Variants in PTPRD observed in about 807,000 individuals in gnomAD.
PTPRD encodes receptor-type tyrosine-protein phosphatase delta.
In PTPRD, 34 loss-of-function variants were observed where a neutral mutation model predicts 214.5. The ratio of observed to expected loss-of-function variants is 0.16; its 90% CI spans 0.12 to 0.21. PTPRD has a LOEUF of 0.21. Ranked by LOEUF, PTPRD falls within the 10% of genes least tolerant of loss-of-function variation. The pLI, the probability that PTPRD is intolerant of heterozygous loss-of-function variation, is 1.00. For synonymous variants in PTPRD, 1,128 were observed against 845.7 expected, an observed-to-expected ratio of 1.33 and a Z score of -5.79; for missense variants, 2,545 against 2,398.7, an observed-to-expected ratio of 1.06 and a Z score of -1.27.
rs74878115 is a variant in PTPRD at position 9,831,467 on chromosome 9, A to G, written c.-367-64616T>C. On this transcript the variant is annotated intron_variant, in intron 5 of 45. Transcript: ENST00000381196. ...CTGAAATTGAAATGGGAATACCCCAATCATCTAAAGTTTCTGCTCTCCCTT... is the reference window on the plus strand; with the variant it reads ...CTGAAATTGAAATGGGAATACCCCAGTCATCTAAAGTTTCTGCTCTCCCTT... Among the ~76,000 whole-genome samples, 440 of 152,074 alleles carry G rather than the reference A, an allele frequency of 2.9e-3. 1 individual carries two copies. The highest frequency in any genetic ancestry group is 9.9e-3 in the African/African-American group (410 of 41,536).
chr9:10,371,835 A>G (rs1201650433), intron 2 of PTPRD, among the ~76,000 whole-genome samples: 2 of 152,122 alleles, frequency 1.3e-5, no homozygotes, highest in Non-Finnish European at 2.9e-5. Flanking sequence ...TATGTCTCAG[A>G]ATTACATACC....
intron 4 of PTPRD, among the ~76,000 whole-genome samples, chr9:9,986,551 T>A (rs113289833): frequency 6.6e-5 from 10 of 152,256 alleles, no homozygotes; most frequent in African/African-American, 2.2e-4. Flanking sequence ...TTAACAATAG[T>A]TATCTCCCAC....
intron 2 of PTPRD, among the ~76,000 whole-genome samples, chr9:10,534,637 G>A (rs925829289): frequency 3.0e-4 from 45 of 151,986 alleles, no homozygotes; most frequent in Non-Finnish European, 2.8e-4. Context: ...TGTTTAATTC[G>A]TCCTTACTAG....
intron 3 of PTPRD, among the ~76,000 whole-genome samples, chr9:10,055,352 TCCA>T (rs1472216181): frequency 6.6e-6 from 1 of 152,156 alleles, no homozygotes; most frequent in Non-Finnish European, 1.5e-5. Flanking sequence ...ATAGTTACTA[TCCA>T]TTGAATACTT....
intron 9 of PTPRD, among the ~76,000 whole-genome samples, chr9:9,343,891 A>T (rs1468120659): frequency 5.9e-5 from 9 of 152,152 alleles, no homozygotes; most frequent in African/African-American, 2.2e-4. Flanking sequence ...GTCCAATACC[A>T]ATGAGAAGAA....
chr9:8,880,121 T>G (rs1566797831), intron 11 of PTPRD, among the ~76,000 whole-genome samples: 1 of 152,116 alleles, frequency 6.6e-6, no homozygotes, highest in Non-Finnish European at 1.5e-5. Context: ...GAAAAGTAGC[T>G]AAACCATAAG....
chr9:10,419,688 G>C (rs937368309), intron 2 of PTPRD, among the ~76,000 whole-genome samples: 2 of 151,600 alleles, frequency 1.3e-5, no homozygotes, highest in Non-Finnish European at 2.9e-5. Context: ...ATCTTATGAA[G>C]TGCCAATGAA....
chr9:9,472,820 T>G (rs1373175856), intron 8 of PTPRD, among the ~76,000 whole-genome samples: 1 of 152,156 alleles, frequency 6.6e-6, no homozygotes, highest in African/African-American at 2.4e-5. Context: ...TCTTATCCAT[T>G]TTCTTACTTT....
chr9:10,239,034 G>A (rs1329363830), intron 3 of PTPRD, among the ~76,000 whole-genome samples: 2 of 151,830 alleles, frequency 1.3e-5, no homozygotes, highest in African/African-American at 4.8e-5. Flanking sequence ...GCAACAAGGG[G>A]AAAAAGAATC....
intron 21 of PTPRD, among the ~76,000 whole-genome samples, chr9:8,513,563 C>G (rs1046783033): frequency 6.6e-6 from 1 of 152,052 alleles, no homozygotes; most frequent in Non-Finnish European, 1.5e-5. Context: ...AAATGTACTT[C>G]AATTCCTACA....
intron 10 of PTPRD, among the ~76,000 whole-genome samples, chr9:9,181,114 A>G (rs2099927949): frequency 6.6e-6 from 1 of 152,026 alleles, no homozygotes; most frequent in South Asian, 2.1e-4. Flanking sequence ...CTCCTTGGCC[A>G]TCAGTTTCTT....
intron 11 of PTPRD, among the ~76,000 whole-genome samples, chr9:8,778,804 T>A (rs1220107016): frequency 6.6e-6 from 1 of 152,094 alleles, no homozygotes; most frequent in Non-Finnish European, 1.5e-5. Flanking sequence ...TTTTATCACA[T>A]AAAAATGGAA....
chr9:9,387,519 C>G (rs1374873042), intron 9 of PTPRD, among the ~76,000 whole-genome samples: 1 of 152,190 alleles, frequency 6.6e-6, no homozygotes, highest in South Asian at 2.1e-4. Flanking sequence ...GGTGGTTTCA[C>G]TGAATATAGG....
rs919533420 is a variant in PTPRD at position 8,324,858 on chromosome 9, T to C, written c.5535-4892A>G. Reference sequence around the variant, plus strand: ...GCATTTCTCTAATGACCAGTGATAGTGAGCATTTTTTCATATGTTTGTCTG... The same window carrying C: ...GCATTTCTCTAATGACCAGTGATAGCGAGCATTTTTTCATATGTTTGTCTG... On this transcript the variant is annotated intron_variant, in intron 44 of 45. Coordinates refer to ENST00000381196, the MANE Select transcript of PTPRD (RefSeq NM_002839.4). Among the ~76,000 whole-genome samples, 8 of 152,286 alleles carry C rather than the reference T, an allele frequency of 5.3e-5. No individual in the cohort carries two copies. The East Asian group carries it at 1.5e-3, about 29-fold the overall frequency.
intron 2 of PTPRD, among the ~76,000 whole-genome samples, chr9:10,357,457 C>T (rs1455035366): frequency 1.3e-5 from 2 of 152,170 alleles, no homozygotes; most frequent in African/African-American, 2.4e-5. Context: ...AACTATTTAA[C>T]CTCTGTTCAG....
At chr9:8,852,611 G>C (rs929505042) in intron 11 of PTPRD, among the ~76,000 whole-genome samples, 3 of 152,194 alleles carry the variant, frequency 2.0e-5, no homozygotes, top group Admixed American at 2.0e-4. Context: ...CTACTTGCCT[G>C]CTGGTATACA....
At chr9:9,401,682 G>A (rs573732371) in intron 8 of PTPRD, among the ~76,000 whole-genome samples, 1 of 151,070 alleles carries the variant, frequency 6.6e-6, no homozygotes, top group Non-Finnish European at 1.5e-5. Context: ...CACCGGAATC[G>A]CATCTTGAAT....
At chr9:9,012,868 G>A (rs1401151237) in intron 11 of PTPRD, among the ~76,000 whole-genome samples, 2 of 152,078 alleles carry the variant, frequency 1.3e-5, no homozygotes, top group African/African-American at 4.8e-5. Flanking sequence ...TCTGTGACTT[G>A]CCTTTGTATT....
intron 11 of PTPRD, among the ~76,000 whole-genome samples, chr9:8,921,373 T>G (rs1164306074): frequency 6.6e-6 from 1 of 152,292 alleles, no homozygotes; most frequent in East Asian, 1.9e-4. Context: ...ATTGTGCATA[T>G]CTGCTCATCA....
Sources: allele counts gnomAD v4.1 joint callset (sites outside exome capture counted in the v4.1 genomes callset), GRCh38; gene constraint gnomAD v4.1.1; transcripts MANE v1.5; gene names NCBI Gene and HGNC (gene_info 2026-07-23, HGNC 2026-07-21).